The following SH2D4B variants were observed in gnomAD, a reference collection of about 807,000 sequenced individuals.
SH2D4B encodes the protein SH2 domain-containing protein 4B.
A neutral mutation model predicts 61.5 loss-of-function variants in SH2D4B; 45 were observed. The observed-to-expected ratio is 0.73, with a 90% CI of 0.58 to 0.94. SH2D4B has a LOEUF of 0.94. Among genes scored for constraint, SH2D4B ranks in the 40% least tolerant of loss-of-function variants. The probability of loss-of-function intolerance (pLI) is 0.00; values close to 1 mark genes in which losing one functional copy is unlikely to be tolerated. For missense variants in SH2D4B, 572 were observed against 574.2 expected, an observed-to-expected ratio of 1.00 and a Z score of 0.04; for synonymous variants, 224 against 220.4, an observed-to-expected ratio of 1.02 and a Z score of -0.14.
chr10:80,644,295 C>A lies in SH2D4B; in HGVS notation c.*210C>A. 1.9e-6 allele frequency: 1 copy of A among 534,888 alleles called. No individual in the cohort carries two copies. Among genetic ancestry groups the A allele is most frequent in the Non-Finnish European group, 3.3e-6 (1 of 301,368 alleles). 33.1% of individuals were successfully genotyped at this position (534,888 alleles called of 1,614,324 possible). On this transcript the variant is annotated 3_prime_UTR_variant, in exon 8 of 8. Coordinates refer to ENST00000646907, the MANE Select transcript of SH2D4B (RefSeq NM_001388272.1). ...GGACAGAAATTGCTAATAGCTCATG[C>A]AACTCTTTCATGAAGAGCTTAGCTA...
intron 4 of SH2D4B, among the ~76,000 whole-genome samples, chr10:80,589,247 A>C (rs1589347686): frequency 6.6e-6 from 1 of 152,032 alleles, no homozygotes; most frequent in African/African-American, 2.4e-5. Context: ...CAGGTGACCC[A>C]CCTGCCTCGG....
Position 80,571,533 on chromosome 10 carries a change from C to T in SH2D4B, c.450C>T (p.Arg150=), listed in dbSNP as rs755323047. The T allele has an allele frequency of 3.1e-6, 5 of 1,614,062 alleles. No homozygotes were observed. The Admixed American group carries it at 6.7e-5, about 22-fold the overall frequency. ...AGTGGAAAGTGGAGATGGAAGACCG[C>T]AAGGCTGCCAAAGTCCTGGAGGAAC... is the stretch of plus-strand genomic sequence containing the variant. The part of the protein sequence containing the change: ...AEKWKVEMED[R]KAAKVLEERI... Residue 150 remains arginine, a synonymous_variant, in exon 3 of 8, where the codon CGC becomes CGT. Coordinates refer to ENST00000646907, the MANE Select transcript of SH2D4B (RefSeq NM_001388272.1).
chr10:80,553,023 C>A (rs1167225663), intron 1 of SH2D4B, among the ~76,000 whole-genome samples: 1 of 152,164 alleles, frequency 6.6e-6, no homozygotes, highest in Non-Finnish European at 1.5e-5. Flanking sequence ...TCAAGTGATT[C>A]TCCTGCTTCA....
rs1029313927 is a variant in SH2D4B at position 80,624,153 on chromosome 10, T to C, written c.989-10132T>C. 2.0e-4 allele frequency among the ~76,000 whole-genome samples: 31 copies of C among 152,238 alleles called. 1 individual carries two copies. Among genetic ancestry groups the C allele is most frequent in the Admixed American group, 2.0e-3 (31 of 15,284 alleles). ...ATTCCTCACTGGAACTTGGTGAGGCTGGGAATCACCATCTTTAGACTTCTC... is the reference window on the plus strand; with the variant it reads ...ATTCCTCACTGGAACTTGGTGAGGCCGGGAATCACCATCTTTAGACTTCTC... On this transcript the variant is annotated intron_variant, in intron 6 of 7. Coordinates refer to ENST00000646907, the MANE Select transcript of SH2D4B (RefSeq NM_001388272.1).
At chr10:80,579,293 A>G (rs1842162484) in intron 3 of SH2D4B, among the ~76,000 whole-genome samples, 1 of 152,182 alleles carries the variant, frequency 6.6e-6, no homozygotes, top group Non-Finnish European at 1.5e-5. Flanking sequence ...ATTGGGTTAC[A>G]GAGGGAACTC....
intron 5 of SH2D4B, among the ~76,000 whole-genome samples, chr10:80,605,140 C>A (rs541462195): frequency 1.3e-5 from 2 of 150,976 alleles, no homozygotes; most frequent in African/African-American, 4.9e-5. Flanking sequence ...TTGCAGTTAC[C>A]GTCATGAAAG....
chr10:80,568,989 C>T (rs1842005427), intron 1 of SH2D4B, among the ~76,000 whole-genome samples: 1 of 152,220 alleles, frequency 6.6e-6, no homozygotes, highest in South Asian at 2.1e-4. Flanking sequence ...TTAAACATCG[C>T]TCACCACCCA....
chr10:80,572,622 C>G (rs115783492), intron 3 of SH2D4B, among the ~76,000 whole-genome samples: 1,677 of 152,026 alleles, frequency 0.011, 33 homozygotes, highest in African/African-American at 0.039. Context: ...CTCCCCTCCC[C>G]TTTCTTTTCT....
intron 3 of SH2D4B, among the ~76,000 whole-genome samples, chr10:80,583,889 C>T (rs1016432625): frequency 4.6e-5 from 7 of 152,178 alleles, no homozygotes; most frequent in Admixed American, 1.3e-4. Flanking sequence ...ACACAATCAA[C>T]GCAAGAAAAT....
At chr10:80,585,820 C>A (rs921678853) in intron 3 of SH2D4B, among the ~76,000 whole-genome samples, 1 of 152,194 alleles carries the variant, frequency 6.6e-6, no homozygotes, top group Non-Finnish European at 1.5e-5. Context: ...GTAAGAGCCC[C>A]TTTCTGGGCT....
At position 80,603,667 on chromosome 10, in the gene SH2D4B, C is replaced by A. The variant is rs1217062425; in HGVS notation, c.732C>A (p.Ile244=). ...ACCGACACCACTCGCTCCGTGCTAT[C>A]CAGAAGGGCACGGTCGCTGGCCTCA... ...DEYRHHSLRA[I]QKGTVAGLSS... Residue 244 remains isoleucine, a synonymous_variant, in exon 5 of 8, where the codon ATC becomes ATA. Transcript: ENST00000646907. The A allele has an allele frequency of 2.5e-6, 4 of 1,609,594 alleles. No individual in the cohort carries two copies. Among genetic ancestry groups the A allele is most frequent in the Admixed American group, 3.4e-5 (2 of 59,484 alleles).
chr10:80,583,340 A>T (rs916192227), intron 3 of SH2D4B, among the ~76,000 whole-genome samples: 1 of 152,154 alleles, frequency 6.6e-6, no homozygotes, highest in African/African-American at 2.4e-5. Context: ...TGGAAGATAA[A>T]GTCGATGAAA....
intron 3 of SH2D4B, among the ~76,000 whole-genome samples, chr10:80,583,560 C>T (rs1842208805): frequency 6.6e-6 from 1 of 151,976 alleles, no homozygotes; most frequent in Non-Finnish European, 1.5e-5. Context: ...ATTCCAGCTA[C>T]TCGGGAGGCT....
intron 6 of SH2D4B, among the ~76,000 whole-genome samples, chr10:80,633,123 C>T (rs1842851963): frequency 6.6e-6 from 1 of 151,790 alleles, no homozygotes; most frequent in African/African-American, 2.4e-5. Context: ...CTGACTGCGG[C>T]TCGCTCGGGA....
At chr10:80,598,024 C>CA (rs1842405205) in intron 4 of SH2D4B, among the ~76,000 whole-genome samples, 1 of 152,116 alleles carries the variant, frequency 6.6e-6, no homozygotes, top group African/African-American at 2.4e-5. Flanking sequence ...TTTATACTGA[C>CA]AAAAAATCGT....
At chr10:80,548,001 C>A (rs540935037) in intron 1 of SH2D4B, among the ~76,000 whole-genome samples, 1 of 152,086 alleles carries the variant, frequency 6.6e-6, no homozygotes, top group African/African-American at 2.4e-5. Flanking sequence ...CCACCTGACC[C>A]CAGAGAGATG....
At chr10:80,566,766 T>C (rs2132115614) in intron 1 of SH2D4B, among the ~76,000 whole-genome samples, 1 of 152,294 alleles carries the variant, frequency 6.6e-6, no homozygotes, top group Non-Finnish European at 1.5e-5. Context: ...TTTTGCTGCT[T>C]TATCTTTTCC....
intron 1 of SH2D4B, among the ~76,000 whole-genome samples, chr10:80,552,938 G>A (rs551591246): frequency 6.6e-6 from 1 of 150,574 alleles, no homozygotes; most frequent in African/African-American, 2.5e-5. Flanking sequence ...TCTTTGAGAC[G>A]GAGTTTTGCT....
At chr10:80,604,249 A>G (rs562026702) in intron 5 of SH2D4B, among the ~76,000 whole-genome samples, 1 of 152,290 alleles carries the variant, frequency 6.6e-6, no homozygotes, top group Non-Finnish European at 1.5e-5. Context: ...TTGGAATAGT[A>G]GGTTTGCAGT....
Sources: gnomAD v4.1 joint callset for allele counts (sites outside exome capture counted in the v4.1 genomes callset) on GRCh38, gnomAD v4.1.1 for gene constraint, MANE v1.5 for transcripts, NCBI Gene and HGNC (gene_info 2026-07-23, HGNC 2026-07-21) for gene names.